KLHL1: variants seen among roughly 807,000 people sequenced by gnomAD.
KLHL1 encodes the protein kelch-like protein 1.
Under a neutral mutation model 77.7 loss-of-function variants are expected in KLHL1, and 47 were observed. The observed-to-expected ratio is 0.60, with a 90% confidence interval of 0.48 to 0.77. The LOEUF (loss-of-function observed/expected upper bound fraction) is 0.77, where lower values mean the gene tolerates loss of function less well. Ranked by LOEUF, KLHL1 falls within the 30% of genes least tolerant of loss-of-function variation. The pLI is 0.00. For missense variants in KLHL1, 925 were observed against 910.8 expected, an observed-to-expected ratio of 1.02 and a Z score of -0.20; for synonymous variants, 360 against 325.2, an observed-to-expected ratio of 1.11 and a Z score of -1.15.
chr13:69,803,782 G>C (rs921446808), intron 6 of KLHL1, among the ~76,000 whole-genome samples: 1 of 152,120 alleles, frequency 6.6e-6, no homozygotes, highest in African/African-American at 2.4e-5. Context: ...GAATGCAAGT[G>C]GTCTCTAGAA....
At chr13:69,808,070 C>T (rs993176125) in intron 6 of KLHL1, among the ~76,000 whole-genome samples, 8 of 152,084 alleles carry the variant, frequency 5.3e-5, no homozygotes, top group African/African-American at 1.9e-4. Flanking sequence ...AAGTATAACA[C>T]CAGCTACTGA....
At position 69,989,393 on chromosome 13, in the gene KLHL1, G is replaced by A. The variant is rs74549278; in HGVS notation, c.498-13591C>T. 6.3e-3 allele frequency among the ~76,000 whole-genome samples: 961 copies of A among 152,004 alleles called. 7 individuals are homozygous for A. Among genetic ancestry groups the A allele is most frequent in the African/African-American group, 0.022 (900 of 41,508 alleles). ...ATGGTTTGAAGTCAGGAGTCAGGCA[G>A]TATGACTCCTCTAGATTTGTTCTTT... On this transcript the variant is annotated intron_variant, in intron 1 of 10. Coordinates refer to ENST00000377844, the MANE Select transcript of KLHL1 (RefSeq NM_020866.3).
chr13:70,004,407 T>C (rs1377064970), intron 1 of KLHL1, among the ~76,000 whole-genome samples: 7 of 151,952 alleles, frequency 4.6e-5, no homozygotes, highest in Admixed American at 3.9e-4. Flanking sequence ...CTTTTAGCTA[T>C]GTCCTGACCC....
chr13:69,917,715 C>G (rs1488352024), intron 4 of KLHL1, among the ~76,000 whole-genome samples: 1 of 152,088 alleles, frequency 6.6e-6, no homozygotes, highest in Admixed American at 6.6e-5. Context: ...TAAATGCATT[C>G]TTCCATATAT....
intron 1 of KLHL1, among the ~76,000 whole-genome samples, chr13:70,042,358 T>A (rs1289709598): frequency 6.6e-6 from 1 of 152,132 alleles, no homozygotes; most frequent in Non-Finnish European, 1.5e-5. Flanking sequence ...ACTTTAATAA[T>A]AGGTAGGAGC....
chr13:70,056,296 G>A (rs1886742147), intron 1 of KLHL1, among the ~76,000 whole-genome samples: 1 of 152,016 alleles, frequency 6.6e-6, no homozygotes, highest in South Asian at 2.1e-4. Context: ...GATAACAATT[G>A]TAAATATATA....
intron 1 of KLHL1, among the ~76,000 whole-genome samples, chr13:70,093,876 T>A (rs1887728306): frequency 1.3e-5 from 2 of 152,180 alleles, no homozygotes; most frequent in South Asian, 4.1e-4. Flanking sequence ...TTATACACTT[T>A]ATCAAGATCA....
In KLHL1 at chr13:69,888,664, A is replaced by G. The variant is rs574441092; in HGVS notation, c.1015-6169T>C. ...TCTTCCCCAGACACTTTAGGAAAAA[A>G]CATGACCCTGTGGATAATATGACTT... On this transcript the variant is annotated intron_variant, in intron 4 of 10. Transcript: ENST00000377844. Among the ~76,000 whole-genome samples the G allele has an allele frequency of 5.3e-5, 8 of 152,236 alleles. 1 individual carries two copies. In the South Asian group the frequency reaches 1.7e-3, roughly 32 times the overall value.
chr13:69,997,695 A>T (rs977817062), intron 1 of KLHL1, among the ~76,000 whole-genome samples: 1 of 147,758 alleles, frequency 6.8e-6, no homozygotes, highest in African/African-American at 2.5e-5. Flanking sequence ...TATATATAAT[A>T]TAAATACATT....
Position 70,084,461 on chromosome 13 carries a change from C to CTTTTTTTTTTTTTTTTTTT in KLHL1, c.497+22741_497+22742insAAAAAAAAAAAAAAAAAAA, listed in dbSNP as rs1324246935. ...GATATTTTCTAGTCTATTTCTTCTTCTTCTTTTTTTTTTTTTGAGACGGAG... is the reference window on the plus strand; with the variant it reads ...GATATTTTCTAGTCTATTTCTTCTTCTTTTTTTTTTTTTTTTTTTTTCTTTTTTTTTTTTTGAGACGGAG... On this transcript the variant is annotated intron_variant, in intron 1 of 10. Transcript: ENST00000377844. Among the ~76,000 whole-genome samples the CTTTTTTTTTTTTTTTTTTT allele has an allele frequency of 6.1e-5, 7 of 115,102 alleles. 1 individual carries two copies. Among genetic ancestry groups the CTTTTTTTTTTTTTTTTTTT allele is most frequent in the East Asian group, 2.4e-4 (1 of 4,172 alleles). The allele number at this position is 115,102 out of a possible 152,430, so 75.5% of individuals were successfully genotyped here.
In KLHL1 at chr13:69,746,027, C is replaced by G. The variant is rs551260766; in HGVS notation, c.1640-5471G>C. 8.6e-5 allele frequency among the ~76,000 whole-genome samples: 13 copies of G among 151,504 alleles called. 1 individual carries two copies. The highest frequency in any genetic ancestry group is 3.1e-4 in the African/African-American group (13 of 41,502). ...TGTTTGTTTGAAATTTTTATTAGAA[C>G]TTTTTTATATATATTACTGAAATGA... On this transcript the variant is annotated intron_variant, in intron 7 of 10. Coordinates refer to ENST00000377844, the MANE Select transcript of KLHL1 (RefSeq NM_020866.3).
intron 5 of KLHL1, among the ~76,000 whole-genome samples, chr13:69,865,130 A>G (rs529370961): frequency 1.3e-5 from 2 of 152,132 alleles, no homozygotes; most frequent in Non-Finnish European, 2.9e-5. Flanking sequence ...AGAGATGGGT[A>G]CTTGCTACAT....
At chr13:69,987,803 G>A (rs533669225) in intron 1 of KLHL1, among the ~76,000 whole-genome samples, 16 of 152,006 alleles carry the variant, frequency 1.1e-4, no homozygotes, top group Middle Eastern at 3.4e-3. Context: ...TATACACATA[G>A]ATATTTATAC....
intron 6 of KLHL1, among the ~76,000 whole-genome samples, chr13:69,801,474 A>G (rs1176743011): frequency 6.6e-6 from 1 of 152,206 alleles, no homozygotes; most frequent in Non-Finnish European, 1.5e-5. Context: ...CTGCCATTAC[A>G]AACATGTCAA....
At chr13:69,995,450 T>G (rs1341394364) in intron 1 of KLHL1, among the ~76,000 whole-genome samples, 1 of 152,096 alleles carries the variant, frequency 6.6e-6, no homozygotes. Flanking sequence ...TGAGTCATCA[T>G]GTATTATTAT....
chr13:69,893,514 G>T (rs1034962403), intron 4 of KLHL1, among the ~76,000 whole-genome samples: 1 of 152,154 alleles, frequency 6.6e-6, no homozygotes, highest in East Asian at 1.9e-4. Context: ...GATTACAGGC[G>T]TGAGCTACAT....
intron 7 of KLHL1, among the ~76,000 whole-genome samples, chr13:69,777,943 C>A (rs1875920751): frequency 1.3e-5 from 2 of 151,988 alleles, no homozygotes; most frequent in Non-Finnish European, 2.9e-5. Context: ...CATTCTTAGA[C>A]AAATGTTCCT....
intron 1 of KLHL1, among the ~76,000 whole-genome samples, chr13:70,016,431 T>A (rs1013812810): frequency 3.9e-5 from 6 of 152,202 alleles, no homozygotes; most frequent in African/African-American, 7.2e-5. Flanking sequence ...CCTGTCCCCG[T>A]AGGCTCGTAA....
At chr13:69,883,946 C>A (rs572500330) in intron 4 of KLHL1, among the ~76,000 whole-genome samples, 1 of 152,204 alleles carries the variant, frequency 6.6e-6, no homozygotes, top group South Asian at 2.1e-4. Context: ...AAAGCCACAG[C>A]GGTGGTAGCA....
Sources: gnomAD v4.1 joint callset for allele counts (sites outside exome capture counted in the v4.1 genomes callset) on GRCh38, gnomAD v4.1.1 for gene constraint, MANE v1.5 for transcripts, NCBI Gene and HGNC (gene_info 2026-07-23, HGNC 2026-07-21) for gene names.